Variants in PAK5 observed in about 807,000 individuals in gnomAD.
PAK5 encodes the protein serine/threonine-protein kinase PAK 5.
PAK5 carries 16 observed loss-of-function variants against 65.9 expected under a neutral mutation model. That is an observed-to-expected ratio of 0.24 (90% CI 0.16 to 0.37). The LOEUF (loss-of-function observed/expected upper bound fraction) is 0.37. Ranked by LOEUF, PAK5 falls within the 10% of genes least tolerant of loss-of-function variation. PAK5 has a pLI of 1.00. For synonymous variants in PAK5, 371 were observed against 354.9 expected, an observed-to-expected ratio of 1.05 and a Z score of -0.51; for missense variants, 785 against 903.9, an observed-to-expected ratio of 0.87 and a Z score of 1.69.
At chr20:9,757,701 A>G (rs1449478109) in intron 1 of PAK5, among the ~76,000 whole-genome samples, 2 of 152,194 alleles carry the variant, frequency 1.3e-5, no homozygotes, top group Non-Finnish European at 2.9e-5. Flanking sequence ...TGATGAATAC[A>G]CTAATGAAAT....
intron 1 of PAK5, among the ~76,000 whole-genome samples, chr20:9,807,700 T>C (rs1443873673): frequency 6.6e-6 from 1 of 151,450 alleles, no homozygotes; most frequent in Non-Finnish European, 1.5e-5. Flanking sequence ...TTGGGGGCCT[T>C]GTGGCTAGGT....
At chr20:9,563,427 T>C (rs1164423834) in intron 5 of PAK5, among the ~76,000 whole-genome samples, 4 of 152,188 alleles carry the variant, frequency 2.6e-5, no homozygotes, top group Admixed American at 2.0e-4. Flanking sequence ...CTCGTAGTAA[T>C]TGAGGGAATG....
At chr20:9,725,573 T>C (rs1345048890) in intron 1 of PAK5, among the ~76,000 whole-genome samples, 5 of 152,084 alleles carry the variant, frequency 3.3e-5, no homozygotes, top group Non-Finnish European at 5.9e-5. Flanking sequence ...AGAAGGAAAA[T>C]TTTGAATAGA....
intron 2 of PAK5, among the ~76,000 whole-genome samples, chr20:9,649,704 G>A (rs888883941): frequency 2.6e-5 from 4 of 152,102 alleles, no homozygotes; most frequent in African/African-American, 9.7e-5. Context: ...AGCAGCACCT[G>A]GTACTATTCG....
At chr20:9,787,107 A>G (rs1290402198) in intron 1 of PAK5, among the ~76,000 whole-genome samples, 2 of 152,192 alleles carry the variant, frequency 1.3e-5, no homozygotes, top group African/African-American at 4.8e-5. Flanking sequence ...AGTAACAATA[A>G]TTTAACTAAA....
chr20:9,565,575 T>C, intron 5 of PAK5, among the ~76,000 whole-genome samples: 1 of 152,222 alleles, frequency 6.6e-6, no homozygotes, highest in East Asian at 1.9e-4. Flanking sequence ...TGCTTGACCC[T>C]GAGCCGGATC....
At chr20:9,578,955 T>C (rs2045933164) in intron 4 of PAK5, among the ~76,000 whole-genome samples, 1 of 152,230 alleles carries the variant, frequency 6.6e-6, no homozygotes, top group African/African-American at 2.4e-5. Flanking sequence ...TTTAATTTTA[T>C]ATCCTGGGAA....
chr20:9,637,453 C>G (rs2046997053), intron 3 of PAK5, among the ~76,000 whole-genome samples: 1 of 152,110 alleles, frequency 6.6e-6, no homozygotes, highest in African/African-American at 2.4e-5. Flanking sequence ...CTAAAAGAGT[C>G]TGAGGAACCC....
intron 2 of PAK5, among the ~76,000 whole-genome samples, chr20:9,700,984 C>T (rs1421248015): frequency 3.3e-5 from 5 of 152,050 alleles, no homozygotes; most frequent in African/African-American, 9.7e-5. Flanking sequence ...GAATATCTGG[C>T]CCACATTCCC....
Position 9,564,911 on chromosome 20 carries a change from T to C in PAK5, c.1482+982A>G, listed in dbSNP as rs149732547. 6.4e-3 allele frequency among the ~76,000 whole-genome samples: 966 copies of C among 151,856 alleles called. 4 individuals carry two copies. The highest frequency in any genetic ancestry group is 0.011 in the Non-Finnish European group (726 of 67,896). Reference sequence around the variant, plus strand: ...TTTACATTAATAAAAATAAGTAATGTATGCTGATATATTTTATTTAATATT... The same window carrying C: ...TTTACATTAATAAAAATAAGTAATGCATGCTGATATATTTTATTTAATATT... On this transcript the variant is annotated intron_variant, in intron 5 of 9. Transcript: ENST00000353224.
intron 3 of PAK5, among the ~76,000 whole-genome samples, chr20:9,637,096 G>C (rs1386491105): frequency 6.6e-6 from 1 of 152,154 alleles, no homozygotes; most frequent in East Asian, 1.9e-4. Context: ...GACCACCTAG[G>C]CTCAAACGAT....
rs185705720 is a variant in PAK5 at position 9,543,039 on chromosome 20, G to A, written c.1870-319C>T. Reference sequence around the variant, plus strand: ...ATCAGGGCAGATGAGAAAATCATCCGGTTTAATGCTATGAAAATGGAGAAG... The same window carrying A: ...ATCAGGGCAGATGAGAAAATCATCCAGTTTAATGCTATGAAAATGGAGAAG... On this transcript the variant is annotated intron_variant, in intron 8 of 9. Transcript: ENST00000353224. 1.2e-4 allele frequency among the ~76,000 whole-genome samples: 19 copies of A among 152,214 alleles called. No individual in the cohort carries two copies. The East Asian group carries it at 1.9e-3, about 16-fold the overall frequency.
At chr20:9,776,713 G>C (rs982198771) in intron 1 of PAK5, among the ~76,000 whole-genome samples, 1 of 152,112 alleles carries the variant, frequency 6.6e-6, no homozygotes, top group African/African-American at 2.4e-5. Flanking sequence ...AGACCCATGT[G>C]AATGAGCCTA....
intron 4 of PAK5, chr20:9,577,537 C>T (rs769089241): frequency 6.6e-6 from 1 of 152,148 alleles, no homozygotes. Flanking sequence ...CAAGCAAGGC[C>T]GACTCATCTG....
intron 2 of PAK5, among the ~76,000 whole-genome samples, chr20:9,648,671 T>A (rs2047165742): frequency 6.6e-6 from 1 of 152,138 alleles, no homozygotes; most frequent in Non-Finnish European, 1.5e-5. Flanking sequence ...TCATCGCCCT[T>A]TCATAGAAGA....
intron 1 of PAK5, among the ~76,000 whole-genome samples, chr20:9,726,088 TA>T (rs1372457779): frequency 5.9e-5 from 9 of 152,100 alleles, no homozygotes; most frequent in African/African-American, 2.2e-4. Context: ...GTCAAGGTAT[TA>T]TAGAGGTGGG....
intron 1 of PAK5, among the ~76,000 whole-genome samples, chr20:9,741,288 C>G (rs1455291759): frequency 1.3e-5 from 2 of 152,088 alleles, no homozygotes; most frequent in Non-Finnish European, 2.9e-5. Context: ...AAGAAGGGAA[C>G]AAGACAATCC....
chr20:9,773,914 G>A (rs373362742), intron 1 of PAK5, among the ~76,000 whole-genome samples: 2 of 152,156 alleles, frequency 1.3e-5, no homozygotes, highest in Admixed American at 1.3e-4. Context: ...TTCATGCTTT[G>A]CAGTAACTGT....
chr20:9,787,399 G>A (rs981572955), intron 1 of PAK5, among the ~76,000 whole-genome samples: 2 of 152,064 alleles, frequency 1.3e-5, no homozygotes, highest in Non-Finnish European at 2.9e-5. Context: ...TTTCCACATG[G>A]TTCTCTTGCT....
Sources: gnomAD v4.1 joint callset for allele counts (sites outside exome capture counted in the v4.1 genomes callset) on GRCh38, gnomAD v4.1.1 for gene constraint, MANE v1.5 for transcripts, NCBI Gene and HGNC (gene_info 2026-07-23, HGNC 2026-07-21) for gene names.